PKP4: variants seen among roughly 807,000 people sequenced by gnomAD.
PKP4 encodes the protein plakophilin 4, also known as plakophilin-4.
PKP4 carries 90 observed loss-of-function variants against 145.1 expected under a neutral mutation model. The observed-to-expected ratio is 0.62, with a 90% CI of 0.52 to 0.74. The LOEUF is 0.74. PKP4 is among the 30% of genes least tolerant of loss of function. The pLI, the probability that PKP4 is intolerant of heterozygous loss-of-function variation, is 0.00. For missense variants in PKP4, 1,340 were observed against 1,482.7 expected (o/e 0.90, Z 1.58); for synonymous variants, 563 against 577.2 (o/e 0.98, Z 0.35).
chr2:158,470,301 C>T (rs1691346170), intron 1 of PKP4, among the ~76,000 whole-genome samples: 2 of 152,118 alleles, frequency 1.3e-5, no homozygotes, highest in African/African-American at 4.8e-5. Context: ...ATTCACATTC[C>T]CCAGCGACCT....
At chr2:158,547,699 A>G (rs974192771) in intron 2 of PKP4, among the ~76,000 whole-genome samples, 2 of 152,244 alleles carry the variant, frequency 1.3e-5, no homozygotes, top group Non-Finnish European at 2.9e-5. Context: ...TTTAAAACAC[A>G]TTAACATGTT....
intron 2 of PKP4, among the ~76,000 whole-genome samples, chr2:158,572,842 C>T (rs1212934552): frequency 6.6e-6 from 1 of 152,194 alleles, no homozygotes; most frequent in Admixed American, 6.5e-5. Context: ...ATTTAAGGCC[C>T]AGAATGCCAG....
At chr2:158,678,524 C>A in intron 20 of PKP4, 57 bp from the exon 21 acceptor site, 1 of 1,243,528 alleles carries the variant, frequency 8.0e-7, no homozygotes, top group Non-Finnish European at 1.2e-6. Context: ...GACCACCCAG[C>A]CTAATGGACC....
intron 3 of PKP4, among the ~76,000 whole-genome samples, chr2:158,582,245 G>C (rs1228297149): frequency 2.0e-5 from 3 of 152,124 alleles, no homozygotes; most frequent in African/African-American, 7.2e-5. Flanking sequence ...CATTTATATT[G>C]AGTAGCATAT....
chr2:158,463,578 G>A (rs1404428901), intron 1 of PKP4, among the ~76,000 whole-genome samples: 13 of 152,148 alleles, frequency 8.5e-5, no homozygotes, highest in Non-Finnish European at 1.0e-4. Context: ...CACTATGCAG[G>A]TGTGTGTCCC....
intron 1 of PKP4, among the ~76,000 whole-genome samples, chr2:158,483,616 T>TC (rs1693702112): frequency 6.6e-6 from 1 of 152,162 alleles, no homozygotes. Flanking sequence ...TTTGGGGGGA[T>TC]CTACTATCTG....
intron 2 of PKP4, among the ~76,000 whole-genome samples, chr2:158,547,649 A>G (rs1482942868): frequency 6.6e-6 from 1 of 152,206 alleles, no homozygotes; most frequent in Non-Finnish European, 1.5e-5. Context: ...AAATGGGTGC[A>G]TTTTATTGCA....
intron 2 of PKP4, among the ~76,000 whole-genome samples, chr2:158,556,506 A>T (rs1024432346): frequency 6.9e-6 from 1 of 145,238 alleles, no homozygotes; most frequent in Non-Finnish European, 1.5e-5. Context: ...TAAATGAAGC[A>T]TTGTGGCTCT....
intron 1 of PKP4, among the ~76,000 whole-genome samples, chr2:158,506,173 C>A (rs1574159546): frequency 6.6e-6 from 1 of 152,164 alleles, no homozygotes; most frequent in Non-Finnish European, 1.5e-5. Context: ...AGACTGTGGA[C>A]AAGTTATGCC....
chr2:158,457,685 CCTT>C (rs1178972072), intron 1 of PKP4: 1 of 152,644 alleles, frequency 6.6e-6, no homozygotes, highest in Admixed American at 6.5e-5. Context: ...GGCTGTCTGT[CCTT>C]CTAGCCCCAG....
At chr2:158,546,547 C>T (rs1448182626) in intron 2 of PKP4, among the ~76,000 whole-genome samples, 1 of 152,052 alleles carries the variant, frequency 6.6e-6, no homozygotes. Context: ...GAAGTAGCAC[C>T]ATAGGGCATG....
intron 4 of PKP4, among the ~76,000 whole-genome samples, chr2:158,615,934 A>G (rs2051561288): frequency 2.0e-5 from 3 of 152,210 alleles, no homozygotes; most frequent in Non-Finnish European, 4.4e-5. Context: ...ACAAGACCCA[A>G]GAATCTAGAA....
intron 1 of PKP4, among the ~76,000 whole-genome samples, chr2:158,496,318 A>G (rs773817546): frequency 1.3e-5 from 2 of 152,164 alleles, no homozygotes; most frequent in Non-Finnish European, 2.9e-5. Context: ...TAAACATTTG[A>G]TAGTTTACCT....
intron 6 of PKP4, among the ~76,000 whole-genome samples, chr2:158,622,940 C>T (rs1301605455): frequency 1.3e-5 from 2 of 152,038 alleles, no homozygotes; most frequent in African/African-American, 4.8e-5. Flanking sequence ...ATTTTATTGC[C>T]CTTAGTAATG....
chr2:158,649,763 C>T (rs1574964431), intron 11 of PKP4, among the ~76,000 whole-genome samples: 2 of 152,132 alleles, frequency 1.3e-5, no homozygotes, highest in African/African-American at 4.8e-5. Flanking sequence ...AAAGAGAGGC[C>T]CTGTAATAAC....
In PKP4 at chr2:158,533,179, G is replaced by C; in HGVS notation, c.-5-1G>C. Reference sequence around the variant, plus strand: ...TTAACCCTTTGCCTGCTTGATTGCAGGAGGAATGCCAGCTCCTGAGCAGGC... The same window carrying C: ...TTAACCCTTTGCCTGCTTGATTGCACGAGGAATGCCAGCTCCTGAGCAGGC... On this transcript the variant is annotated splice_acceptor_variant, in intron 1 of 21. Coordinates refer to ENST00000389759, the MANE Select transcript of PKP4 (RefSeq NM_003628.6). LOFTEE classifies it low-confidence loss of function (5UTR_SPLICE). The C allele has an allele frequency of 6.2e-7, 1 of 1,608,928 alleles. No homozygotes were observed. The highest frequency in any genetic ancestry group is 8.5e-7 in the Non-Finnish European group (1 of 1,178,092).
At chr2:158,565,313 G>A (rs909788805) in intron 2 of PKP4, among the ~76,000 whole-genome samples, 1 of 151,940 alleles carries the variant, frequency 6.6e-6, no homozygotes, top group African/African-American at 2.4e-5. Flanking sequence ...AAGGGAGGAT[G>A]TATTTTATGC....
At chr2:158,641,782 A>T (rs988795577) in intron 10 of PKP4, among the ~76,000 whole-genome samples, 1 of 152,212 alleles carries the variant, frequency 6.6e-6, no homozygotes, top group African/African-American at 2.4e-5. Flanking sequence ...AAACTAAATA[A>T]CTTAAGTCAA....
At position 158,512,629 on chromosome 2, in the gene PKP4, CA is replaced by C. The variant is rs746804714; in HGVS notation, c.-5-20550del. On this transcript the variant is annotated intron_variant, in intron 1 of 21. Transcript: ENST00000389759. ...TGACTAATAGATGTATATTACCCAT[CA>C]TGACCAACCTTTTGATTTGTATAGG... Among the ~76,000 whole-genome samples, 20 of 152,352 alleles carry C rather than the reference CA, an allele frequency of 1.3e-4. 2 individuals carry two copies. The highest frequency in any genetic ancestry group is 1.2e-3 in the South Asian group (6 of 4,828).
Sources: gnomAD v4.1 joint callset for allele counts (sites outside exome capture counted in the v4.1 genomes callset) on GRCh38, gnomAD v4.1.1 for gene constraint, MANE v1.5 for transcripts, NCBI Gene and HGNC (gene_info 2026-07-23, HGNC 2026-07-21) for gene names.